DCP1A: variants seen among roughly 807,000 people sequenced by gnomAD.
DCP1A encodes decapping mRNA 1A.
DCP1A carries 20 observed loss-of-function variants against 58.0 expected under a neutral mutation model. That is an observed-to-expected ratio of 0.34 (90% CI 0.24 to 0.50). The LOEUF is 0.50. DCP1A is among the 20% of genes least tolerant of loss of function. DCP1A has a pLI of 0.98. For synonymous variants in DCP1A, 285 were observed against 275.1 expected (o/e 1.04, Z -0.36); for missense variants, 613 against 712.2 (o/e 0.86, Z 1.59).
chr3:53,292,020 A>G (rs782679641), intron 7 of DCP1A, 49 bp downstream of exon 7: 23 of 1,542,364 alleles, frequency 1.5e-5, no homozygotes, highest in Non-Finnish European at 2.0e-5. Context: ...GTTTCATCCC[A>G]TCCAGTTACA....
At chr3:53,318,711 A>T (rs539876988) in intron 4 of DCP1A, among the ~76,000 whole-genome samples, 1 of 152,324 alleles carries the variant, frequency 6.6e-6, no homozygotes, top group African/African-American at 2.4e-5. Context: ...TTCAAGGAAA[A>T]TAATTTTCTA....
intron 5 of DCP1A, among the ~76,000 whole-genome samples, chr3:53,308,512 C>G (rs1399800742): frequency 6.6e-6 from 1 of 152,146 alleles, no homozygotes; most frequent in Non-Finnish European, 1.5e-5. Flanking sequence ...CAGGCCTGTC[C>G]TCAATCAATT....
chr3:53,321,661 G>T (rs1313205614), intron 3 of DCP1A, among the ~76,000 whole-genome samples: 1 of 152,220 alleles, frequency 6.6e-6, no homozygotes, highest in Admixed American at 6.5e-5. Context: ...GGAGGTTGCA[G>T]TGAGTCGAGA....
chr3:53,303,185 A>T (rs1553687594), intron 6 of DCP1A, among the ~76,000 whole-genome samples: 1 of 152,160 alleles, frequency 6.6e-6, no homozygotes, highest in East Asian at 1.9e-4. Context: ...TCCTGGGCTC[A>T]AGTGATCCTC....
intron 3 of DCP1A, among the ~76,000 whole-genome samples, chr3:53,333,756 T>C (rs1463001971): frequency 6.6e-6 from 1 of 152,244 alleles, no homozygotes; most frequent in African/African-American, 2.4e-5. Flanking sequence ...ACTAAGTATA[T>C]ATCATTCAAA....
intron 7 of DCP1A, 25 bp from the exon 8 acceptor site, chr3:53,290,881 AGACG>A (rs1304589836): frequency 6.9e-6 from 11 of 1,586,348 alleles, no homozygotes; most frequent in African/African-American, 2.7e-5. Flanking sequence ...AAGAAAAGAC[AGACG>A]GATATAAGAA....
chr3:53,301,955 C>T (rs901859927), intron 6 of DCP1A, among the ~76,000 whole-genome samples: 6 of 152,000 alleles, frequency 3.9e-5, no homozygotes, highest in Non-Finnish European at 5.9e-5. Context: ...ATGGCGGGAT[C>T]GGGGAGGCAG....
intron 3 of DCP1A, chr3:53,338,264 G>A (rs899104052): frequency 3.0e-5 from 10 of 334,032 alleles, no homozygotes; most frequent in South Asian, 2.2e-4. Context: ...ACTGCCAAAA[G>A]GCCCTTGCAC....
Position 53,335,408 on chromosome 3 carries a change from C to T in DCP1A, c.304+6736G>A, listed in dbSNP as rs148143068. Among the ~76,000 whole-genome samples the T allele has an allele frequency of 3.6e-4, 55 of 152,230 alleles. No homozygotes were observed. The East Asian group carries it at 0.01, about 29-fold the overall frequency. Reference sequence around the variant, plus strand: ...CAGCCTGCCTAGGCCTCCCAAAGTGCTGGGATTACAGGCGTGAGCCATAGT... The same window carrying T: ...CAGCCTGCCTAGGCCTCCCAAAGTGTTGGGATTACAGGCGTGAGCCATAGT... On this transcript the variant is annotated intron_variant, in intron 3 of 9. Coordinates refer to ENST00000610213, the MANE Select transcript of DCP1A (RefSeq NM_018403.7).
At position 53,315,744 on chromosome 3, in the gene DCP1A, G is replaced by GTTTTTTT. The variant is rs797040721; in HGVS notation, c.372-3372_372-3366dup. On this transcript the variant is annotated intron_variant, in intron 4 of 9. Coordinates refer to ENST00000610213, the MANE Select transcript of DCP1A (RefSeq NM_018403.7). ...ATTGTTTGGAGTAAATCAGTTTGTTGTTTTTTTTTTTTGTTTTTTTTTTTT... is the reference window on the plus strand; with the variant it reads ...ATTGTTTGGAGTAAATCAGTTTGTTGTTTTTTTTTTTTTTTTTTTGTTTTTTTTTTTT... 2.3e-3 allele frequency among the ~76,000 whole-genome samples: 222 copies of GTTTTTTT among 95,420 alleles called. 26 individuals carry two copies. The highest frequency in any genetic ancestry group is 4.0e-3 in the African/African-American group (95 of 23,766). The allele number at this position is 95,420 out of a possible 152,430, so 62.6% of individuals were successfully genotyped here. A position where few individuals can be genotyped will look rare whatever the true frequency, so the allele number is the denominator to read the frequency against.
intron 3 of DCP1A, among the ~76,000 whole-genome samples, chr3:53,336,974 G>A (rs1269321976): frequency 2.6e-5 from 4 of 151,986 alleles, no homozygotes; most frequent in African/African-American, 9.7e-5. Flanking sequence ...GGGTTCAAGC[G>A]ATTCTCCTGC....
chr3:53,308,716 C>T (rs1707550146), intron 5 of DCP1A, among the ~76,000 whole-genome samples: 1 of 152,030 alleles, frequency 6.6e-6, no homozygotes, highest in African/African-American at 2.4e-5. Flanking sequence ...GCCTCAGCCT[C>T]CGGAGTAGCT....
Position 53,324,875 on chromosome 3 carries a change from TA to T in DCP1A, c.305-5403del, listed in dbSNP as rs879955681. 2.4e-3 allele frequency among the ~76,000 whole-genome samples: 332 copies of T among 139,484 alleles called. 1 individual carries two copies. Among genetic ancestry groups the T allele is most frequent in the Middle Eastern group, 0.011 (3 of 278 alleles). The allele number at this position is 139,484 out of a possible 152,430, so 91.5% of individuals were successfully genotyped here. A position where few individuals can be genotyped will look rare whatever the true frequency, so the allele number is the denominator to read the frequency against. The stretch of plus-strand genomic sequence containing the variant: ...GTTTATTTTTTAAAAATTTGTTAAC[TA>T]AAAAAAAAAAAGAAAAAAGTTAGGA... On this transcript the variant is annotated intron_variant, in intron 3 of 9. Coordinates refer to ENST00000610213, the MANE Select transcript of DCP1A (RefSeq NM_018403.7).
rs2089218581 is a variant in DCP1A, at chr3:53,342,235, A to G, written c.213T>C (p.Asn71=). 1.9e-6 allele frequency: 3 copies of G among 1,604,686 alleles called. No homozygotes were observed. Among genetic ancestry groups the G allele is most frequent in the Admixed American group, 1.7e-5 (1 of 59,204 alleles). The change falls in exon 3 of 10, where the codon AAT becomes AAC. Residue 71 remains asparagine, a synonymous_variant. Transcript: ENST00000610213. ...ASPYHGFTIV[N]RLNMHNLVEP... ...CAACTAGATTGTGCATATTTAGTCG[A>G]TTCACAATGGTAAAACCATGGTAAG... is the stretch of plus-strand genomic sequence containing the variant.
At chr3:53,303,230 C>T (rs995882653) in intron 6 of DCP1A, among the ~76,000 whole-genome samples, 9 of 151,774 alleles carry the variant, frequency 5.9e-5, no homozygotes, top group African/African-American at 2.2e-4. Flanking sequence ...AGATTACAGA[C>T]GAGAGCCACT....
At chr3:53,287,837 G>A (rs910799197) in intron 9 of DCP1A, among the ~76,000 whole-genome samples, 177 bp from the exon 10 acceptor site, 2 of 151,404 alleles carry the variant, frequency 1.3e-5, no homozygotes, top group African/African-American at 4.9e-5. Context: ...TCTCCACCAG[G>A]ACTGTATGCT....
At chr3:53,340,464 G>A (rs764120045) in intron 3 of DCP1A, among the ~76,000 whole-genome samples, 2 of 152,036 alleles carry the variant, frequency 1.3e-5, no homozygotes, top group African/African-American at 4.8e-5. Context: ...AGAACTTGGG[G>A]GTTTCTAGCT....
intron 5 of DCP1A, among the ~76,000 whole-genome samples, chr3:53,311,851 T>C (rs74430715): frequency 0.02 from 2,975 of 151,980 alleles, 99 homozygotes; most frequent in African/African-American, 0.067. Context: ...CTTATAGGAA[T>C]AGAAAAAAGC....
At chr3:53,327,718 G>A (rs928839258) in intron 3 of DCP1A, among the ~76,000 whole-genome samples, 4 of 152,040 alleles carry the variant, frequency 2.6e-5, no homozygotes, top group African/African-American at 7.2e-5. Context: ...TTGAGCCTGG[G>A]AGGCAGAGGT....
Sources: allele counts gnomAD v4.1 joint callset (sites outside exome capture counted in the v4.1 genomes callset), GRCh38; gene constraint gnomAD v4.1.1; transcripts MANE v1.5; gene names NCBI Gene and HGNC (gene_info 2026-07-23, HGNC 2026-07-21).